The following ELK3 variants were observed in gnomAD, a reference collection of about 807,000 sequenced individuals.
ELK3 encodes ETS transcription factor ELK3.
A neutral mutation model predicts 28.9 loss-of-function variants in ELK3; 10 were observed. The ratio of observed to expected loss-of-function variants is 0.35; its 90% confidence interval spans 0.21 to 0.59. The LOEUF is 0.59. ELK3 is among the 20% of genes least tolerant of loss of function. The pLI is 0.82. For synonymous variants in ELK3, 272 were observed against 243.5 expected, an observed-to-expected ratio of 1.12 and a Z score of -1.09; for missense variants, 463 against 517.3, an observed-to-expected ratio of 0.90 and a Z score of 1.02.
Position 96,257,765 on chromosome 12 carries a change from C to T in ELK3, c.1003-1966C>T, listed in dbSNP as rs76509041. ...GTGGCCTTGAGCCTAACACAACTGA[C>T]AGTAGCCTCCAAGTCCAGGCTGACT... On this transcript the variant is annotated intron_variant, in intron 3 of 4. Transcript: ENST00000228741. Among the ~76,000 whole-genome samples, 1,372 of 152,326 alleles carry T rather than the reference C, an allele frequency of 9.0e-3. 11 individuals are homozygous for T. The highest frequency in any genetic ancestry group is 0.014 in the Non-Finnish European group (952 of 68,026).
At chr12:96,197,825 T>C (rs192327315) in intron 1 of ELK3, among the ~76,000 whole-genome samples, 4 of 152,360 alleles carry the variant, frequency 2.6e-5, no homozygotes, top group Admixed American at 2.6e-4. Context: ...AGTGCTAATA[T>C]ACAGTACATG....
chr12:96,263,524 C>G (rs912298987), intron 4 of ELK3, among the ~76,000 whole-genome samples: 2 of 152,196 alleles, frequency 1.3e-5, no homozygotes, highest in Non-Finnish European at 2.9e-5. Flanking sequence ...TTTAGTTCAA[C>G]AAATCTAACC....
chr12:96,210,906 C>T lies in ELK3; in HGVS notation c.-2-12659C>T, dbSNP rs560382158. 2.6e-5 allele frequency among the ~76,000 whole-genome samples: 4 copies of T among 152,304 alleles called. No homozygotes were observed. The East Asian group carries it at 5.8e-4, about 22-fold the overall frequency. On this transcript the variant is annotated intron_variant, in intron 1 of 4. Transcript: ENST00000228741. The stretch of plus-strand genomic sequence containing the variant: ...GTATTTCCCACGCATTACAATGAGA[C>T]GTTTCCCTTAGCAGCAGTGAAGTGT...
At chr12:96,240,267 T>G (rs1951811742) in intron 2 of ELK3, among the ~76,000 whole-genome samples, 1 of 142,216 alleles carries the variant, frequency 7.0e-6, no homozygotes, top group African/African-American at 3.1e-5. Context: ...AGGGTTAATT[T>G]TGTCTATTAA....
chr12:96,246,453 G>A (rs1334096858), intron 2 of ELK3, among the ~76,000 whole-genome samples: 1 of 152,166 alleles, frequency 6.6e-6, no homozygotes, highest in African/African-American at 2.4e-5. Context: ...CCAGGAGTTT[G>A]AGACCAGCCT....
intron 3 of ELK3, among the ~76,000 whole-genome samples, chr12:96,254,290 AC>A (rs1168642865): frequency 6.6e-6 from 1 of 152,214 alleles, no homozygotes; most frequent in African/African-American, 2.4e-5. Context: ...GTGCCACTGC[AC>A]CCCAGCCTGG....
In ELK3 at chr12:96,247,138, G is replaced by A. The variant is rs759686205; in HGVS notation, c.406G>A (p.Glu136Lys). 1.2e-5 allele frequency: 19 copies of A among 1,613,990 alleles called. No individual in the cohort carries two copies. The highest frequency in any genetic ancestry group is 9.9e-5 in the South Asian group (9 of 91,062). The change falls in exon 3 of 5, where the codon GAA (glutamate) becomes AAA (lysine). Residue 136 changes from glutamate (E) to lysine (K), a missense_variant. Physicochemically the swap from Glu to Lys is moderately conservative, Grantham distance 56 (BLOSUM62 1). Coordinates refer to ENST00000228741, the MANE Select transcript of ELK3 (RefSeq NM_005230.4). The surrounding 1 kb of genome is among the most constrained non-coding windows in gnomAD (Gnocchi z 5.5). ...LAALRSTSRNEYIHSGLYSSF... is the reference protein window; with the variant it reads ...LAALRSTSRNKYIHSGLYSSF... ...CGCCCTCAGAAGCACGAGCCGCAAC[G>A]AATACATCCACTCAGGCCTGTACTC...
At chr12:96,226,205 A>G (rs1951698104) in intron 2 of ELK3, among the ~76,000 whole-genome samples, 1 of 152,134 alleles carries the variant, frequency 6.6e-6, no homozygotes. Context: ...TATCAGGTAG[A>G]GCCCAAGGTC....
chr12:96,195,787 C>T (rs1951460784), intron 1 of ELK3, among the ~76,000 whole-genome samples: 1 of 152,182 alleles, frequency 6.6e-6, no homozygotes, highest in African/African-American at 2.4e-5. Flanking sequence ...GAGGAGCTCA[C>T]AAAGAAACTG....
At chr12:96,223,000 A>C (rs1052996596) in intron 1 of ELK3, 4 of 161,334 alleles carry the variant, frequency 2.5e-5, no homozygotes, top group African/African-American at 4.8e-5. Flanking sequence ...ACCAGATCTC[A>C]TGAGAACTCA....
intron 1 of ELK3, among the ~76,000 whole-genome samples, chr12:96,196,248 C>T (rs1565774713): frequency 1.3e-5 from 2 of 152,174 alleles, no homozygotes. Flanking sequence ...AGGGGTGCAG[C>T]CGCCCAACGA....
chr12:96,233,382 CAA>C (rs905424380), intron 2 of ELK3, among the ~76,000 whole-genome samples: 2 of 152,148 alleles, frequency 1.3e-5, no homozygotes, highest in Non-Finnish European at 2.9e-5. Context: ...CCCTTCTCAT[CAA>C]GAGAGGAAAA....
rs540703820 is a variant in ELK3, at chr12:96,220,464, T to C, written c.-2-3101T>C. ...GTGCAGTGGCGCGATCTTGGCTTAC[T>C]GCAACCTCTGCCTCCTGGGTTCAAG... is the stretch of plus-strand genomic sequence containing the variant. On this transcript the variant is annotated intron_variant, in intron 1 of 4. Coordinates refer to ENST00000228741, the MANE Select transcript of ELK3 (RefSeq NM_005230.4). 1.1e-4 allele frequency among the ~76,000 whole-genome samples: 16 copies of C among 148,464 alleles called. No homozygotes were observed. In the South Asian group the frequency reaches 3.4e-3, roughly 32 times the overall value.
At chr12:96,226,717 C>T (rs368991271) in intron 2 of ELK3, among the ~76,000 whole-genome samples, 57 of 152,232 alleles carry the variant, frequency 3.7e-4, no homozygotes, top group Non-Finnish European at 7.1e-4. Flanking sequence ...TACATGTGCA[C>T]GCATGGCTGG....
intron 2 of ELK3, among the ~76,000 whole-genome samples, chr12:96,239,443 C>G (rs554661554): frequency 1.3e-5 from 2 of 152,250 alleles, no homozygotes; most frequent in East Asian, 3.9e-4. Flanking sequence ...AGGTGGTGGA[C>G]AGTTGGATAT....
chr12:96,221,533 A>G (rs1951661802), intron 1 of ELK3, among the ~76,000 whole-genome samples: 1 of 152,168 alleles, frequency 6.6e-6, no homozygotes, highest in Admixed American at 6.5e-5. Flanking sequence ...AGTTTCAAAG[A>G]TATGTTAAAG....
chr12:96,263,635 C>T (rs570117093), intron 4 of ELK3, among the ~76,000 whole-genome samples: 5 of 152,278 alleles, frequency 3.3e-5, no homozygotes, highest in South Asian at 2.1e-4. Flanking sequence ...AAGGGGCAGA[C>T]GCGCTTTTTC....
chr12:96,250,138 C>T (rs1032107641), intron 3 of ELK3, among the ~76,000 whole-genome samples: 1 of 152,144 alleles, frequency 6.6e-6, no homozygotes, highest in Non-Finnish European at 1.5e-5. Context: ...ACCAGGCAGT[C>T]CTCTAAACCA....
chr12:96,267,179 G>C lies in ELK3; in HGVS notation c.1223G>C (p.Ter408SerextTer1), dbSNP rs770830457. Residue 408 changes from the stop codon to serine (S), a stop_lost, in exon 5 of 5, where the codon TGA (stop) becomes TCA (serine). Coordinates refer to ENST00000228741, the MANE Select transcript of ELK3 (RefSeq NM_005230.4). ...CTTTCTTCAAACTCTCAGAAATCCT[G>C]ATGACGTCTGGCCACAATTAAGGAC... ...VLLSSNSQKS[*>S] 3.1e-6 allele frequency: 5 copies of C among 1,611,444 alleles called. No individual in the cohort carries two copies. The Admixed American group carries it at 6.7e-5, about 22-fold the overall frequency.
Sources: gnomAD v4.1 joint callset for allele counts (sites outside exome capture counted in the v4.1 genomes callset) on GRCh38, gnomAD v4.1.1 for gene constraint, Gnocchi (gnomAD v3.1) non-coding constraint, MANE v1.5 for transcripts, NCBI Gene and HGNC (gene_info 2026-07-23, HGNC 2026-07-21) for gene names.